MROH9: variants seen among roughly 807,000 people sequenced by gnomAD.
The protein encoded by MROH9 is maestro heat-like repeat-containing protein family member 9.
MROH9 carries 92 observed loss-of-function variants against 98.2 expected under a neutral mutation model. The ratio of observed to expected loss-of-function variants is 0.94; its 90% CI spans 0.79 to 1.11. MROH9 has a LOEUF of 1.11. Among genes scored for constraint, MROH9 ranks in the 50% most tolerant of loss-of-function variants. The pLI, the probability that MROH9 is intolerant of heterozygous loss-of-function variation, is 0.00. For missense variants in MROH9, 1,057 were observed against 1,014.8 expected (o/e 1.04, Z -0.57); for synonymous variants, 397 against 368.9 (o/e 1.08, Z -0.87).
At chr1:171,043,175 A>G (rs1653361190) in intron 20 of MROH9, among the ~76,000 whole-genome samples, 1 of 152,084 alleles carries the variant, frequency 6.6e-6, no homozygotes, top group African/African-American at 2.4e-5. Flanking sequence ...ATGACAAGAG[A>G]TGGGGGTCTA....
At chr1:171,016,445 C>A in intron 17 of MROH9, 109 bp downstream of exon 17, 1 of 808,486 alleles carries the variant, frequency 1.2e-6, no homozygotes, top group Non-Finnish European at 1.7e-6. Context: ...GAGAAGAAGC[C>A]ACCATTTCTT....
chr1:171,059,888 A>T (rs980986176), intron 20 of MROH9, among the ~76,000 whole-genome samples: 1 of 152,076 alleles, frequency 6.6e-6, no homozygotes, highest in Non-Finnish European at 1.5e-5. Context: ...TGGGAGTGGG[A>T]GGTGAGGGGA....
rs79442789 is a variant in MROH9 at position 171,052,247 on chromosome 1, T to C, written c.2282-9885T>C. On this transcript the variant is annotated intron_variant, in intron 20 of 21. Transcript: ENST00000367759. ...AATCAGTTGTTTGTCATTGTTATCA[T>C]TTCTGATTGTGCTTATTTGAATCTC... 2.7e-3 allele frequency among the ~76,000 whole-genome samples: 416 copies of C among 152,362 alleles called. 1 individual carries two copies. Among genetic ancestry groups the C allele is most frequent in the Non-Finnish European group, 4.6e-3 (314 of 68,034 alleles).
intron 20 of MROH9, among the ~76,000 whole-genome samples, chr1:171,037,629 A>G (rs1653147479): frequency 6.6e-6 from 1 of 152,182 alleles, no homozygotes; most frequent in South Asian, 2.1e-4. Flanking sequence ...AAAGTAGAAA[A>G]GTTAGCATGC....
chr1:171,037,818 A>G (rs1055081637), intron 20 of MROH9, among the ~76,000 whole-genome samples: 2 of 149,068 alleles, frequency 1.3e-5, no homozygotes, highest in Non-Finnish European at 2.9e-5. Flanking sequence ...CATTGACCTT[A>G]ACTAACAGTG....
chr1:171,064,409 TAGA>T lies in MROH9; in HGVS notation c.*77_*79del, dbSNP rs533688105. 1.7e-3 allele frequency: 2,439 copies of T among 1,411,740 alleles called. 3 individuals carry two copies. The highest frequency in any genetic ancestry group is 2.0e-3 in the Non-Finnish European group (2,104 of 1,073,714). The allele number at this position is 1,411,740 out of a possible 1,614,324, so 87.5% of individuals were successfully genotyped here. A position where few individuals can be genotyped will look rare whatever the true frequency, so the allele number is the denominator to read the frequency against. ...TCCAACAATGTCTTGGAGCTGACCT[TAGA>T]AGAAGAATGATTTTTCTTTCCCTCC... is the stretch of plus-strand genomic sequence containing the variant. On this transcript the variant is annotated 3_prime_UTR_variant, in exon 22 of 22. Coordinates refer to ENST00000367759, the MANE Select transcript of MROH9 (RefSeq NM_001163629.2).
intron 20 of MROH9, among the ~76,000 whole-genome samples, chr1:171,046,274 G>T (rs1177906327): frequency 1.3e-5 from 2 of 151,906 alleles, no homozygotes; most frequent in Non-Finnish European, 2.9e-5. Context: ...TTTTGATTGG[G>T]GAATTTAATC....
Position 171,024,302 on chromosome 1 carries a change from G to GT in MROH9, c.1909-93_1909-92insT, listed in dbSNP as rs57758448. ...TATACATATATAGTATATTTATATG[G>GT]GGTGTGTGTGTGTGTGTGTGTGTGT... On this transcript the variant is annotated intron_variant, in intron 17 of 21. Coordinates refer to ENST00000367759, the MANE Select transcript of MROH9 (RefSeq NM_001163629.2). The GT allele has an allele frequency of 0.028, 22,694 of 796,634 alleles. 2,732 individuals carry two copies. In the African/African-American group the frequency reaches 0.42, roughly 15 times the overall value. 49.3% of individuals were successfully genotyped at this position (796,634 alleles called of 1,614,324 possible). A position where few individuals can be genotyped will look rare whatever the true frequency, so the allele number is the denominator to read the frequency against.
At chr1:171,034,757 GA>G (rs146209403) in intron 20 of MROH9, among the ~76,000 whole-genome samples, 1,933 of 151,634 alleles carry the variant, frequency 0.013, 38 homozygotes, top group African/African-American at 0.045. Flanking sequence ...ACTCCTGAAG[GA>G]AAAAAAATTG....
rs532124329 is a variant in MROH9, at chr1:170,965,195, G to C, written c.420G>C (p.Glu140Asp). Residue 140 changes from glutamate (E) to aspartate (D), a missense_variant, in exon 7 of 22, where the codon GAG becomes GAC. Physicochemically the swap from Glu to Asp is conservative, Grantham distance 45 (BLOSUM62 2). Coordinates refer to ENST00000367759, the MANE Select transcript of MROH9 (RefSeq NM_001163629.2). ...WMSKDSSYLQ[E>D]RIMVIINKVL... Reference sequence around the variant, plus strand: ...GTAAAGATAGCTCATATCTGCAAGAGAGAATAATGGTGATCATCAACAAGG... The same window carrying C: ...GTAAAGATAGCTCATATCTGCAAGACAGAATAATGGTGATCATCAACAAGG... 5 of 1,611,862 alleles carry C rather than the reference G, an allele frequency of 3.1e-6. No homozygotes were observed. Among genetic ancestry groups the C allele is most frequent in the South Asian group, 1.1e-5 (1 of 90,826 alleles).
In MROH9 at chr1:170,952,622, G is replaced by C. The variant is rs190016702; in HGVS notation, c.72+5049G>C. On this transcript the variant is annotated intron_variant, in intron 3 of 21. Coordinates refer to ENST00000367759, the MANE Select transcript of MROH9 (RefSeq NM_001163629.2). ...TTGTGGAGTTGGGGGAGGGGGGAGG[G>C]ATAGTATTAGGAGATATACCTAATG... 3.8e-5 allele frequency among the ~76,000 whole-genome samples: 4 copies of C among 104,646 alleles called. 1 individual carries two copies. The highest frequency in any genetic ancestry group is 7.3e-5 in the Non-Finnish European group (4 of 54,736). 68.7% of individuals were successfully genotyped at this position (104,646 alleles called of 152,430 possible).
chr1:170,961,868 G>A (rs769709257), intron 5 of MROH9, 22 bp from the exon 6 acceptor site: 5 of 1,259,466 alleles, frequency 4.0e-6, no homozygotes, highest in Admixed American at 5.3e-5. Flanking sequence ...CTGGCTGACT[G>A]TGCAATGTTT....
chr1:170,950,208 T>C (rs1490014711), intron 3 of MROH9, among the ~76,000 whole-genome samples: 1 of 151,998 alleles, frequency 6.6e-6, no homozygotes, highest in Non-Finnish European at 1.5e-5. Flanking sequence ...AAAACCAAAA[T>C]CCTTGCCTGC....
chr1:170,938,927 A>T (rs1295787938), intron 1 of MROH9, among the ~76,000 whole-genome samples: 2 of 152,190 alleles, frequency 1.3e-5, no homozygotes, highest in Admixed American at 1.3e-4. Context: ...ATAAAAGTCC[A>T]TGTTGCTGGA....
At chr1:170,963,473 T>C (rs1366928795) in intron 6 of MROH9, among the ~76,000 whole-genome samples, 1 of 152,168 alleles carries the variant, frequency 6.6e-6, no homozygotes, top group Non-Finnish European at 1.5e-5. Flanking sequence ...GCAATTCGAT[T>C]ACTGGATATA....
At chr1:170,984,537 C>A (rs60724172) in intron 9 of MROH9, among the ~76,000 whole-genome samples, 52,448 of 151,698 alleles carry the variant, frequency 0.35, 9,155 homozygotes, top group Middle Eastern at 0.47. Flanking sequence ...CTTCCCTCAT[C>A]CTTCCATCCT....
At chr1:171,038,984 G>A (rs1191727691) in intron 20 of MROH9, among the ~76,000 whole-genome samples, 1 of 151,984 alleles carries the variant, frequency 6.6e-6, no homozygotes, top group East Asian at 1.9e-4. Context: ...CTGCATGGTA[G>A]CAACCCGGAT....
At chr1:170,998,551 ATATT>A in intron 15 of MROH9, 1 of 1,400,058 alleles carries the variant, frequency 7.1e-7, no homozygotes, top group Non-Finnish European at 9.3e-7. Flanking sequence ...ACCAGTTTAT[ATATT>A]TCTGCATGAT....
chr1:170,972,829 TACACACAC>T (rs3980699), intron 8 of MROH9, among the ~76,000 whole-genome samples: 9 of 128,682 alleles, frequency 7.0e-5, no homozygotes, highest in African/African-American at 1.2e-4. Flanking sequence ...AAAAAAAAAA[TACACACAC>T]ACACACACAC....
Sources: allele counts gnomAD v4.1 joint callset (sites outside exome capture counted in the v4.1 genomes callset), GRCh38; gene constraint gnomAD v4.1.1; transcripts MANE v1.5; gene names NCBI Gene and HGNC (gene_info 2026-07-23, HGNC 2026-07-21).